Variants in TXNRD1 observed in about 807,000 individuals in gnomAD.
TXNRD1 encodes thioredoxin reductase 1, cytoplasmic.
Under a neutral mutation model 80.3 loss-of-function variants are expected in TXNRD1, and 57 were observed. The observed-to-expected ratio is 0.71, with a 90% CI of 0.57 to 0.89. The LOEUF (loss-of-function observed/expected upper bound fraction) is 0.89, where lower values mean the gene tolerates loss of function less well. Ranked by LOEUF, TXNRD1 falls within the 40% of genes least tolerant of loss-of-function variation. The pLI is 0.00. For synonymous variants in TXNRD1, 291 were observed against 285.2 expected (o/e 1.02, Z -0.20); for missense variants, 730 against 803.0 (o/e 0.91, Z 1.10).
intron 4 of TXNRD1, chr12:104,304,475 G>T: frequency 6.2e-7 from 1 of 1,613,954 alleles, no homozygotes; most frequent in Non-Finnish European, 8.5e-7. Flanking sequence ...AGAACGTTCT[G>T]CACCAAAGCC....
At chr12:104,227,467 A>G (rs770020946) in intron 1 of TXNRD1, among the ~76,000 whole-genome samples, 4 of 152,118 alleles carry the variant, frequency 2.6e-5, no homozygotes, top group Admixed American at 2.0e-4. Context: ...AAGTCTTCTT[A>G]TGATGGCCAG....
intron 3 of TXNRD1, among the ~76,000 whole-genome samples, chr12:104,281,474 T>C (rs4964769): frequency 0.58 from 84,797 of 146,022 alleles, 24,923 homozygotes; most frequent in East Asian, 0.83. Flanking sequence ...TGGTGGGATC[T>C]CGGCTCACTG....
chr12:104,302,371 C>T (rs1027635011), intron 4 of TXNRD1, among the ~76,000 whole-genome samples: 2 of 148,368 alleles, frequency 1.3e-5, no homozygotes, highest in African/African-American at 5.0e-5. Context: ...TGGACAGGTG[C>T]AATTGTGGGT....
intron 3 of TXNRD1, chr12:104,287,269 G>A (rs1271231193): frequency 1.2e-6 from 2 of 1,613,972 alleles, no homozygotes; most frequent in Non-Finnish European, 1.7e-6. Flanking sequence ...AGCAGACGGG[G>A]AGGCTTTTCC....
At chr12:104,289,739 TA>T (rs5800616) in intron 4 of TXNRD1, among the ~76,000 whole-genome samples, 102,480 of 150,276 alleles carry the variant, frequency 0.68, 35,045 homozygotes, top group East Asian at 0.83. Flanking sequence ...TTTATGTATT[TA>T]AAAAAAAAAA....
At chr12:104,307,769 C>T (rs2034980502) in intron 4 of TXNRD1, among the ~76,000 whole-genome samples, 2 of 152,024 alleles carry the variant, frequency 1.3e-5, no homozygotes. Context: ...TTTGGGGGAG[C>T]CTGGAGCAGT....
chr12:104,334,627 C>T (rs1379510438), intron 15 of TXNRD1, among the ~76,000 whole-genome samples: 2 of 152,186 alleles, frequency 1.3e-5, no homozygotes, highest in African/African-American at 4.8e-5. Context: ...GTCTCGGCCT[C>T]CCAAGGTGCT....
At chr12:104,329,015 A>C (rs541861063) in intron 13 of TXNRD1, among the ~76,000 whole-genome samples, 3 of 152,280 alleles carry the variant, frequency 2.0e-5, no homozygotes, top group South Asian at 2.1e-4. Flanking sequence ...AGTAATGGGA[A>C]TCTCAAAAAG....
chr12:104,342,711 G>A (rs2036366847), intron 16 of TXNRD1, among the ~76,000 whole-genome samples: 1 of 152,132 alleles, frequency 6.6e-6, no homozygotes, highest in Non-Finnish European at 1.5e-5. Flanking sequence ...GTAAGTGATG[G>A]TCTTGTAAAC....
At chr12:104,326,614 C>T (rs1480602245) in intron 12 of TXNRD1, among the ~76,000 whole-genome samples, 191 bp downstream of exon 12, 1 of 151,410 alleles carries the variant, frequency 6.6e-6, no homozygotes, top group Non-Finnish European at 1.5e-5. Flanking sequence ...TACAGGCATG[C>T]ACCACCACAC....
chr12:104,308,049 G>A (rs1206087762), intron 4 of TXNRD1, among the ~76,000 whole-genome samples: 1 of 150,848 alleles, frequency 6.6e-6, no homozygotes, highest in African/African-American at 2.4e-5. Flanking sequence ...AGGCTGGAGT[G>A]CAGTGGCATG....
At chr12:104,325,864 T>G (rs1353909565) in intron 11 of TXNRD1, among the ~76,000 whole-genome samples, 6 of 107,678 alleles carry the variant, frequency 5.6e-5, no homozygotes, top group East Asian at 2.5e-4. Context: ...AGAGCGAGAC[T>G]CCATCTCAAA....
In TXNRD1 at chr12:104,286,481, T is replaced by A. The variant is rs2033972918; in HGVS notation, c.305-2450T>A. Among the ~76,000 whole-genome samples, 3 of 152,368 alleles carry A rather than the reference T, an allele frequency of 2.0e-5. No homozygotes were observed. The South Asian group carries it at 6.2e-4, about 32-fold the overall frequency. Reference sequence around the variant, plus strand: ...TTAGTCAGGATGAACTAGACATTTCTTTTCAAAAGCCTAATAACTTCCTTT... The same window carrying A: ...TTAGTCAGGATGAACTAGACATTTCATTTCAAAAGCCTAATAACTTCCTTT... On this transcript the variant is annotated intron_variant, in intron 3 of 16. Transcript: ENST00000525566.
chr12:104,293,557 C>T lies in TXNRD1; in HGVS notation c.414+4517C>T, dbSNP rs534542937. Among the ~76,000 whole-genome samples the T allele has an allele frequency of 1.8e-4, 28 of 152,242 alleles. No homozygotes were observed. The East Asian group carries it at 5.4e-3, about 29-fold the overall frequency. ...CCTTCGCCTCCTGGGCTTAACCCAT[C>T]CTCCCACCTCAGCCTCCCGAATAGC... is the stretch of plus-strand genomic sequence containing the variant. On this transcript the variant is annotated intron_variant, in intron 4 of 16. Transcript: ENST00000525566.
At chr12:104,272,206 G>C (rs187155116) in intron 3 of TXNRD1, among the ~76,000 whole-genome samples, 1 of 152,210 alleles carries the variant, frequency 6.6e-6, no homozygotes, top group Non-Finnish European at 1.5e-5. Flanking sequence ...CACACACTTC[G>C]ATAAGGGAGA....
intron 16 of TXNRD1, among the ~76,000 whole-genome samples, chr12:104,347,119 G>A (rs981940969): frequency 6.6e-6 from 1 of 151,840 alleles, no homozygotes; most frequent in African/African-American, 2.4e-5. Flanking sequence ...ATAAAATAAC[G>A]ATTTCAAGGA....
intron 1 of TXNRD1, among the ~76,000 whole-genome samples, chr12:104,241,444 C>T (rs910986478): frequency 1.3e-5 from 2 of 151,934 alleles, no homozygotes; most frequent in Non-Finnish European, 2.9e-5. Flanking sequence ...AATCTCGGCT[C>T]ACCGCAAACT....
chr12:104,236,490 C>T (rs1482927131), intron 1 of TXNRD1, among the ~76,000 whole-genome samples: 1 of 152,052 alleles, frequency 6.6e-6, no homozygotes, highest in Non-Finnish European at 1.5e-5. Context: ...TCTTAAAGAG[C>T]ACTGAGCTTA....
chr12:104,289,186 G>C, intron 4 of TXNRD1, 146 bp downstream of exon 4: 1 of 895,440 alleles, frequency 1.1e-6, no homozygotes, highest in Non-Finnish European at 1.6e-6. Context: ...TCGTGGGCTA[G>C]CGCATGTGTT....
Sources: allele counts gnomAD v4.1 joint callset (sites outside exome capture counted in the v4.1 genomes callset), GRCh38; gene constraint gnomAD v4.1.1; transcripts MANE v1.5; gene names NCBI Gene and HGNC (gene_info 2026-07-23, HGNC 2026-07-21).